The following FRMD3 variants were observed in gnomAD, a reference collection of about 807,000 sequenced individuals.
FRMD3 encodes FERM domain containing 3, also known as FERM domain-containing protein 3.
Under a neutral mutation model 70.2 loss-of-function variants are expected in FRMD3, and 33 were observed. That is an observed-to-expected ratio of 0.47 (90% confidence interval 0.36 to 0.63). The LOEUF is 0.63. Among genes scored for constraint, FRMD3 ranks in the 20% least tolerant of loss-of-function variants. The pLI, the probability that FRMD3 is intolerant of heterozygous loss-of-function variation, is 0.00. For missense variants in FRMD3, 632 were observed against 711.4 expected, an observed-to-expected ratio of 0.89 and a Z score of 1.27; for synonymous variants, 279 against 255.9, an observed-to-expected ratio of 1.09 and a Z score of -0.86.
intron 2 of FRMD3, among the ~76,000 whole-genome samples, chr9:83,378,269 T>G (rs529108782): frequency 4.2e-5 from 6 of 143,446 alleles, no homozygotes; most frequent in South Asian, 2.2e-4. Flanking sequence ...TTGTTTTTTT[T>G]GTTTTTTTTG....
At chr9:83,546,347 A>G in the FRMD3 span, among the ~76,000 whole-genome samples, 1 of 152,062 alleles carries the variant, frequency 6.6e-6, no homozygotes. Flanking sequence ...ACAGAGCAAG[A>G]CTGCGTCTCA....
At chr9:83,576,643 T>A in the FRMD3 span, among the ~76,000 whole-genome samples, 1 of 152,058 alleles carries the variant, frequency 6.6e-6, no homozygotes, top group Non-Finnish European at 1.5e-5. Flanking sequence ...CCTCTATGTG[T>A]CCATCTTAAT....
intron 4 of FRMD3, among the ~76,000 whole-genome samples, 183 bp downstream of exon 4, chr9:83,349,496 G>GT (rs950596596): frequency 1.3e-5 from 2 of 152,038 alleles, no homozygotes; most frequent in Admixed American, 6.6e-5. Context: ...AATGACAATT[G>GT]TTTTTTTAAA....
chr9:83,554,993 T>C, the FRMD3 span, among the ~76,000 whole-genome samples: 1 of 152,180 alleles, frequency 6.6e-6, no homozygotes, highest in Admixed American at 6.5e-5. Context: ...TCCCTCCCTC[T>C]GGGGGCTTTG....
the FRMD3 span, among the ~76,000 whole-genome samples, chr9:83,560,147 G>C: frequency 6.6e-6 from 1 of 152,180 alleles, no homozygotes; most frequent in Non-Finnish European, 1.5e-5. Flanking sequence ...TTCTCTAGCT[G>C]TATTAAAATT....
intron 6 of FRMD3, among the ~76,000 whole-genome samples, chr9:83,314,981 C>A (rs1264687432): frequency 6.6e-6 from 1 of 151,932 alleles, no homozygotes; most frequent in Non-Finnish European, 1.5e-5. Flanking sequence ...TGAATTATTT[C>A]TTAATTCAAA....
chr9:83,413,141 G>A (rs1002888321), intron 1 of FRMD3, among the ~76,000 whole-genome samples: 31 of 152,242 alleles, frequency 2.0e-4, no homozygotes, highest in African/African-American at 5.8e-4. Flanking sequence ...AAGTCAATTC[G>A]TTCTGCTATG....
At position 83,328,925 on chromosome 9, in the gene FRMD3, T is replaced by C. The variant is rs1836133722; in HGVS notation, c.596+6591A>G. Among the ~76,000 whole-genome samples, 3 of 152,358 alleles carry C rather than the reference T, an allele frequency of 2.0e-5. No homozygotes were observed. The South Asian group carries it at 6.2e-4, about 32-fold the overall frequency. ...GCTCTATGCATAAGTTAGAATCACA[T>C]GTGAGATATAATCAGACAATGTATT... On this transcript the variant is annotated intron_variant, in intron 6 of 13. Coordinates refer to ENST00000304195, the MANE Select transcript of FRMD3 (RefSeq NM_174938.6).
chr9:83,401,888 A>T (rs866131944), intron 1 of FRMD3, among the ~76,000 whole-genome samples: 2 of 152,336 alleles, frequency 1.3e-5, no homozygotes, highest in Middle Eastern at 6.8e-3. Context: ...TAATCCTAAT[A>T]GCGATCACAC....
At chr9:83,575,126 C>T in the FRMD3 span, among the ~76,000 whole-genome samples, 3 of 152,138 alleles carry the variant, frequency 2.0e-5, no homozygotes, top group Admixed American at 1.3e-4. Flanking sequence ...CTCACAATGC[C>T]TGCTCCCTAG....
intron 2 of FRMD3, among the ~76,000 whole-genome samples, chr9:83,377,228 T>C (rs1368489524): frequency 2.6e-5 from 4 of 152,154 alleles, no homozygotes; most frequent in Non-Finnish European, 5.9e-5. Context: ...ATAAACATTA[T>C]CATACATTCA....
At chr9:83,286,588 T>C (rs1000049751) in intron 13 of FRMD3, among the ~76,000 whole-genome samples, 1 of 152,228 alleles carries the variant, frequency 6.6e-6, no homozygotes, top group Admixed American at 6.5e-5. Flanking sequence ...CGCCTCAGCC[T>C]CTGAAAGTGC....
intron 3 of FRMD3, among the ~76,000 whole-genome samples, chr9:83,370,668 T>C (rs1036202327): frequency 6.6e-6 from 1 of 152,164 alleles, no homozygotes; most frequent in Non-Finnish European, 1.5e-5. Flanking sequence ...TCCCAACACT[T>C]TGGGAGGCAG....
At chr9:83,538,827 G>A (rs981592214), upstream of FRMD3, among the ~76,000 whole-genome samples, 1 of 152,202 alleles carries the variant, frequency 6.6e-6, no homozygotes, top group Non-Finnish European at 1.5e-5. This position sits in a 1 kb window ranked among gnomAD's most constrained non-coding sequence, Gnocchi z 4.7. Flanking sequence ...GACGGAGAGC[G>A]ATCCTGACCC....
chr9:83,341,897 C>G (rs779966417), intron 5 of FRMD3, among the ~76,000 whole-genome samples: 11 of 152,156 alleles, frequency 7.2e-5, no homozygotes, highest in Non-Finnish European at 1.6e-4. Flanking sequence ...CGGTGGGCCA[C>G]AGGGGAATCC....
chr9:83,517,993 T>C (rs577114508), intron 1 of FRMD3, among the ~76,000 whole-genome samples: 1 of 152,266 alleles, frequency 6.6e-6, no homozygotes, highest in East Asian at 1.9e-4. Flanking sequence ...TATCTCAAAA[T>C]AATAAGAGCT....
the FRMD3 span, among the ~76,000 whole-genome samples, chr9:83,555,277 CA>C: frequency 6.6e-6 from 1 of 151,780 alleles, no homozygotes; most frequent in Non-Finnish European, 1.5e-5. Context: ...AGTGCTGTCC[CA>C]GGGGGAATTA....
At chr9:83,534,421 T>G (rs766725452) in intron 1 of FRMD3, among the ~76,000 whole-genome samples, 4 of 152,212 alleles carry the variant, frequency 2.6e-5, no homozygotes, top group Non-Finnish European at 5.9e-5. Flanking sequence ...GGAAAAGGAT[T>G]ATTTAAAAGC....
intron 1 of FRMD3, among the ~76,000 whole-genome samples, chr9:83,463,308 T>A (rs1176117103): frequency 1.3e-5 from 2 of 152,182 alleles, no homozygotes; most frequent in Non-Finnish European, 2.9e-5. Context: ...ATGCTACTAA[T>A]AAAGACATAT....
Sources: gnomAD v4.1 joint callset for allele counts (sites outside exome capture counted in the v4.1 genomes callset) on GRCh38, gnomAD v4.1.1 for gene constraint, Gnocchi (gnomAD v3.1) non-coding constraint, MANE v1.5 for transcripts, NCBI Gene and HGNC (gene_info 2026-07-23, HGNC 2026-07-21) for gene names.